The following FSHR variants were observed in gnomAD, a reference collection of about 807,000 sequenced individuals.
FSHR encodes follicle stimulating hormone receptor, also known as follicle-stimulating hormone receptor.
FSHR carries 46 observed loss-of-function variants against 52.1 expected under a neutral mutation model. The observed-to-expected ratio is 0.88, with a 90% CI of 0.70 to 1.13. The LOEUF (loss-of-function observed/expected upper bound fraction) is 1.13, where lower values mean the gene tolerates loss of function less well. FSHR is among the 50% of genes most tolerant of loss of function. FSHR has a pLI of 0.00. For missense variants in FSHR, 964 were observed against 834.6 expected, an observed-to-expected ratio of 1.16 and a Z score of -1.91; for synonymous variants, 399 against 309.6, an observed-to-expected ratio of 1.29 and a Z score of -3.03.
chr2:48,985,456 A>G (rs1675458106), intron 6 of FSHR, among the ~76,000 whole-genome samples: 1 of 152,050 alleles, frequency 6.6e-6, no homozygotes, highest in Non-Finnish European at 1.5e-5. Context: ...TTAGGACATT[A>G]TTCTCCTGGC....
rs1675237962 is a variant in FSHR, at chr2:48,981,309, A to G, written c.668+1603T>C. Among the ~76,000 whole-genome samples, 3 of 152,214 alleles carry G rather than the reference A, an allele frequency of 2.0e-5. No individual in the cohort carries two copies. The South Asian group carries it at 6.2e-4, about 32-fold the overall frequency. On this transcript the variant is annotated intron_variant, in intron 8 of 9. Coordinates refer to ENST00000406846, the MANE Select transcript of FSHR (RefSeq NM_000145.4). ...CCCCCAATGAGAATATAAGCTTTCT[A>G]TGAGGAGGAACTTTCCTTTGTTTCC...
chr2:49,071,361 A>G (rs1288965550), intron 1 of FSHR, among the ~76,000 whole-genome samples: 1 of 152,128 alleles, frequency 6.6e-6, no homozygotes, highest in East Asian at 1.9e-4. Context: ...ATAATTAGAA[A>G]ACCTTGTAAA....
intron 3 of FSHR, among the ~76,000 whole-genome samples, chr2:49,019,081 T>C (rs1242285494): frequency 8.5e-5 from 13 of 152,182 alleles, no homozygotes; most frequent in Admixed American, 6.5e-5. Context: ...TTAAATGTGT[T>C]CCATGGGGAT....
At chr2:49,062,791 A>G (rs1466239806) in intron 2 of FSHR, among the ~76,000 whole-genome samples, 5 of 152,148 alleles carry the variant, frequency 3.3e-5, no homozygotes, top group Non-Finnish European at 7.3e-5. Context: ...AATGGTCAAT[A>G]GGCATATGAA....
At chr2:48,984,548 A>G (rs540662384) in intron 6 of FSHR, among the ~76,000 whole-genome samples, 1 of 152,096 alleles carries the variant, frequency 6.6e-6, no homozygotes, top group East Asian at 1.9e-4. Context: ...AATTACCACA[A>G]TTTTTTATTG....
At chr2:48,982,074 G>C (rs368446379) in intron 8 of FSHR, among the ~76,000 whole-genome samples, 1 of 152,064 alleles carries the variant, frequency 6.6e-6, no homozygotes, top group African/African-American at 2.4e-5. Context: ...GTCTTGCTTA[G>C]AGCCCAGGAA....
chr2:49,018,058 G>A (rs750101339), intron 3 of FSHR, among the ~76,000 whole-genome samples: 94 of 152,166 alleles, frequency 6.2e-4, no homozygotes, highest in Non-Finnish European at 1.0e-3. Context: ...AAAGTGAGGG[G>A]CAAAAAGGTA....
chr2:49,043,664 C>T (rs541572224), intron 2 of FSHR, among the ~76,000 whole-genome samples: 3 of 152,158 alleles, frequency 2.0e-5, no homozygotes, highest in Non-Finnish European at 4.4e-5. Context: ...CATAAAAAAA[C>T]CAAATGTTCC....
At chr2:49,027,897 C>A (rs1414179271) in intron 2 of FSHR, among the ~76,000 whole-genome samples, 1 of 145,192 alleles carries the variant, frequency 6.9e-6, no homozygotes, top group Non-Finnish European at 1.5e-5. Flanking sequence ...CAAAGATTTT[C>A]TGGAGGTAGA....
chr2:49,060,584 A>G (rs113447738), intron 2 of FSHR, among the ~76,000 whole-genome samples: 2,408 of 152,260 alleles, frequency 0.016, 53 homozygotes, highest in African/African-American at 0.049. Context: ...GAAGTGGCAC[A>G]TTGCCCCTGG....
At position 49,021,031 on chromosome 2, in the gene FSHR, C is replaced by T. The variant is rs372351872; in HGVS notation, c.225-871G>A. ...TGATGGGTTGATAGGTGCAGCAAAC[C>T]ACCATGACACACATTTACCTATTTA... On this transcript the variant is annotated intron_variant, in intron 2 of 9. Coordinates refer to ENST00000406846, the MANE Select transcript of FSHR (RefSeq NM_000145.4). Among the ~76,000 whole-genome samples the T allele has an allele frequency of 2.2e-4, 34 of 152,234 alleles. 5 individuals carry two copies. Among genetic ancestry groups the T allele is most frequent in the Admixed American group, 1.5e-3 (23 of 15,274 alleles).
chr2:49,150,900 A>G (rs1243019136), intron 1 of FSHR, among the ~76,000 whole-genome samples: 1 of 152,062 alleles, frequency 6.6e-6, no homozygotes, highest in East Asian at 1.9e-4. Context: ...TAAGCTAAAA[A>G]TCTTTCTCAC....
intron 5 of FSHR, 96 bp downstream of exon 5, chr2:48,990,470 A>C: frequency 1.9e-5 from 16 of 842,176 alleles, no homozygotes; most frequent in Non-Finnish European, 3.3e-5. Flanking sequence ...CATTTGGAGG[A>C]TGTAGACTAC....
At chr2:49,043,919 T>C (rs1269252778) in intron 2 of FSHR, among the ~76,000 whole-genome samples, 1 of 152,188 alleles carries the variant, frequency 6.6e-6, no homozygotes, top group South Asian at 2.1e-4. Context: ...TCCTACTGTC[T>C]CCATAAAACC....
At chr2:49,016,034 A>G (rs1320302680) in intron 4 of FSHR, among the ~76,000 whole-genome samples, 1 of 152,056 alleles carries the variant, frequency 6.6e-6, no homozygotes, top group African/African-American at 2.4e-5. Flanking sequence ...GGTCATATGA[A>G]TTGTCTCCTA....
intron 1 of FSHR, among the ~76,000 whole-genome samples, chr2:49,131,719 A>C (rs539991062): frequency 2.0e-5 from 3 of 152,346 alleles, no homozygotes; most frequent in Admixed American, 2.0e-4. Context: ...CTAGAAATAA[A>C]ATAGATAATT....
At chr2:49,031,223 T>C (rs983444506) in intron 2 of FSHR, among the ~76,000 whole-genome samples, 3 of 152,150 alleles carry the variant, frequency 2.0e-5, no homozygotes, top group Non-Finnish European at 4.4e-5. Flanking sequence ...CCAGATCTCA[T>C]TCCTCATGTT....
chr2:48,992,002 G>A (rs902287277), intron 4 of FSHR, among the ~76,000 whole-genome samples: 3 of 151,840 alleles, frequency 2.0e-5, no homozygotes, highest in Admixed American at 1.3e-4. Flanking sequence ...ATGGGTTCTC[G>A]GTGATGGTTC....
intron 1 of FSHR, among the ~76,000 whole-genome samples, chr2:49,138,812 C>T (rs1211419483): frequency 6.6e-6 from 1 of 152,092 alleles, no homozygotes; most frequent in Non-Finnish European, 1.5e-5. Flanking sequence ...CAAATGCACA[C>T]TTCAAATGAG....
Sources: gnomAD v4.1 joint callset for allele counts (sites outside exome capture counted in the v4.1 genomes callset) on GRCh38, gnomAD v4.1.1 for gene constraint, MANE v1.5 for transcripts, NCBI Gene and HGNC (gene_info 2026-07-23, HGNC 2026-07-21) for gene names.